Variants in WDR72 observed in about 807,000 individuals in gnomAD.
WDR72 encodes the protein WD repeat domain 72.
In WDR72, 120 loss-of-function variants were observed where a neutral mutation model predicts 124.2. That is an observed-to-expected ratio of 0.97 (90% confidence interval 0.83 to 1.12). The LOEUF (loss-of-function observed/expected upper bound fraction) is 1.12, where lower values mean the gene tolerates loss of function less well. WDR72 is among the 50% of genes most tolerant of loss of function. WDR72 has a pLI of 0.00. For missense variants in WDR72, 1,387 were observed against 1,278.8 expected (o/e 1.08, Z -1.29); for synonymous variants, 452 against 441.7 (o/e 1.02, Z -0.29).
chr15:53,573,532 A>C (rs1471496602), intron 18 of WDR72, among the ~76,000 whole-genome samples: 2 of 147,990 alleles, frequency 1.4e-5, no homozygotes, highest in East Asian at 2.0e-4. Context: ...CCATTTTAAC[A>C]CCAACTGCTT....
chr15:53,608,524 G>T (rs2013387280), intron 17 of WDR72, among the ~76,000 whole-genome samples: 1 of 152,130 alleles, frequency 6.6e-6, no homozygotes, highest in Non-Finnish European at 1.5e-5. Flanking sequence ...GAAGGCTGAG[G>T]TGGGAGGATC....
intron 9 of WDR72, among the ~76,000 whole-genome samples, chr15:53,710,044 C>A (rs1425666914): frequency 6.6e-6 from 1 of 152,172 alleles, no homozygotes; most frequent in Non-Finnish European, 1.5e-5. Flanking sequence ...AAGAAAACAA[C>A]TGCTTAAATT....
At chr15:53,714,815 C>T (rs935640522) in intron 5 of WDR72, among the ~76,000 whole-genome samples, 1 of 152,206 alleles carries the variant, frequency 6.6e-6, no homozygotes, top group Non-Finnish European at 1.5e-5. Context: ...CTTCCCTTTG[C>T]AGTCACTCAT....
At chr15:53,622,419 A>G (rs2014031459) in intron 14 of WDR72, among the ~76,000 whole-genome samples, 1 of 152,208 alleles carries the variant, frequency 6.6e-6, no homozygotes, top group Non-Finnish European at 1.5e-5. Flanking sequence ...AAAGTGGTAC[A>G]TATATACCAT....
chr15:53,710,078 G>A (rs1272186289), intron 9 of WDR72, among the ~76,000 whole-genome samples: 6 of 152,128 alleles, frequency 3.9e-5, no homozygotes, highest in Non-Finnish European at 7.4e-5. Flanking sequence ...GAATGTCAGA[G>A]GTATGATTCA....
At chr15:53,645,030 T>C (rs986329599) in intron 14 of WDR72, among the ~76,000 whole-genome samples, 1 of 152,180 alleles carries the variant, frequency 6.6e-6, no homozygotes, top group African/African-American at 2.4e-5. Context: ...TAAATTACTA[T>C]ATTGGATACT....
intron 1 of WDR72, among the ~76,000 whole-genome samples, chr15:53,737,457 G>A (rs1467088605): frequency 6.6e-6 from 1 of 152,138 alleles, no homozygotes; most frequent in East Asian, 1.9e-4. Flanking sequence ...TAGAAAGGTT[G>A]AAAATAAAGA....
chr15:53,724,595 G>A (rs1271294659), intron 2 of WDR72, among the ~76,000 whole-genome samples: 2 of 152,080 alleles, frequency 1.3e-5, no homozygotes, highest in South Asian at 2.1e-4. Context: ...ATAGGATCTC[G>A]CGAGAACTCA....
chr15:53,705,310 C>G, intron 10 of WDR72, 77 bp from the exon 11 acceptor site: 1 of 1,383,280 alleles, frequency 7.2e-7, no homozygotes, highest in East Asian at 2.3e-5. Context: ...AAGGCACCCT[C>G]CCTTCAAAAA....
chr15:53,715,126 C>A (rs1199713888), intron 5 of WDR72, 67 bp downstream of exon 5: 2 of 1,545,214 alleles, frequency 1.3e-6, no homozygotes, highest in South Asian at 1.2e-5. Flanking sequence ...AATAATTTGA[C>A]AAATAATTCA....
At chr15:53,696,308 C>T (rs778012254) in intron 13 of WDR72, among the ~76,000 whole-genome samples, 7 of 152,158 alleles carry the variant, frequency 4.6e-5, no homozygotes, top group Non-Finnish European at 1.0e-4. Context: ...AGGAAATACA[C>T]AGACCTTCAC....
At chr15:53,735,988 G>A (rs2018342590) in intron 1 of WDR72, among the ~76,000 whole-genome samples, 1 of 151,746 alleles carries the variant, frequency 6.6e-6, no homozygotes, top group Admixed American at 6.6e-5. Context: ...CCCAAGTGAA[G>A]GGAGAATAAT....
intron 3 of WDR72, among the ~76,000 whole-genome samples, chr15:53,718,169 A>T (rs1449444937): frequency 1.3e-5 from 2 of 148,352 alleles, no homozygotes; most frequent in Non-Finnish European, 2.9e-5. Flanking sequence ...ATCTCCAGAG[A>T]TTCTAATTCC....
chr15:53,757,060 T>G (rs1314613326), intron 1 of WDR72, among the ~76,000 whole-genome samples: 2 of 152,140 alleles, frequency 1.3e-5, no homozygotes, highest in African/African-American at 4.8e-5. Flanking sequence ...TCTCTCTCAT[T>G]TTGAAGATAA....
At chr15:53,527,301 T>G (rs1160198748) in intron 18 of WDR72, among the ~76,000 whole-genome samples, 1 of 152,058 alleles carries the variant, frequency 6.6e-6, no homozygotes, top group Admixed American at 6.6e-5. Context: ...TCTCTAAAAA[T>G]TCCGTTCTTC....
At chr15:53,664,515 T>C (rs1024463753) in intron 14 of WDR72, among the ~76,000 whole-genome samples, 5 of 151,766 alleles carry the variant, frequency 3.3e-5, no homozygotes, top group African/African-American at 1.2e-4. Flanking sequence ...TGACACATTA[T>C]TTTGCCTAAC....
intron 18 of WDR72, among the ~76,000 whole-genome samples, chr15:53,592,380 G>A (rs2012551072): frequency 6.6e-6 from 1 of 151,954 alleles, no homozygotes; most frequent in Non-Finnish European, 1.5e-5. Context: ...TAGTCACAAA[G>A]CCTTTCCACA....
At chr15:53,678,628 A>G (rs891384491) in intron 13 of WDR72, among the ~76,000 whole-genome samples, 5 of 152,216 alleles carry the variant, frequency 3.3e-5, no homozygotes, top group African/African-American at 9.6e-5. Flanking sequence ...TTCCGGCATC[A>G]GCCTTTGTCC....
At chr15:53,659,248 T>C (rs1295553203) in intron 14 of WDR72, among the ~76,000 whole-genome samples, 1 of 152,194 alleles carries the variant, frequency 6.6e-6, no homozygotes, top group African/African-American at 2.4e-5. Flanking sequence ...AAAATCTGTT[T>C]AAATACATCG....
Sources: gnomAD v4.1 joint callset for allele counts (sites outside exome capture counted in the v4.1 genomes callset) on GRCh38, gnomAD v4.1.1 for gene constraint, MANE v1.5 for transcripts, NCBI Gene and HGNC (gene_info 2026-07-23, HGNC 2026-07-21) for gene names.